CKAP5: variants seen among roughly 807,000 people sequenced by gnomAD.
CKAP5 encodes the protein cytoskeleton associated protein 5.
CKAP5 carries 27 observed loss-of-function variants against 232.8 expected under a neutral mutation model. The ratio of observed to expected loss-of-function variants is 0.12; its 90% CI spans 0.09 to 0.16. CKAP5 has a LOEUF of 0.16. Among genes scored for constraint, CKAP5 ranks in the 10% least tolerant of loss-of-function variants. The pLI, the probability that CKAP5 is intolerant of heterozygous loss-of-function variation, is 1.00. For synonymous variants in CKAP5, 785 were observed against 841.1 expected, an observed-to-expected ratio of 0.93 and a Z score of 1.16; for missense variants, 1,838 against 2,424.7, an observed-to-expected ratio of 0.76 and a Z score of 5.08.
chr11:46,818,150 GAATA>G (rs1939446736), intron 3 of CKAP5, among the ~76,000 whole-genome samples, 156 bp downstream of exon 3: 1 of 152,028 alleles, frequency 6.6e-6, no homozygotes, highest in African/African-American at 2.4e-5. Flanking sequence ...AGATTTCTGA[GAATA>G]AAGACTGAAT....
At chr11:46,791,257 T>TTG (rs1555164989) in intron 13 of CKAP5, among the ~76,000 whole-genome samples, 6 of 147,880 alleles carry the variant, frequency 4.1e-5, no homozygotes, top group Non-Finnish European at 7.5e-5. Context: ...TTTTTTTTTT[T>TTG]TTTGTTTTCT....
In CKAP5 at chr11:46,844,854, C is replaced by T. The variant is rs1464466575; in HGVS notation, c.-38+1366G>A. Reference sequence around the variant, plus strand: ...AGAGAGAGAGAGAGACGGGGTTTCACCATGTTGGCCCGACTGGTCTCAAAC... The same window carrying T: ...AGAGAGAGAGAGAGACGGGGTTTCATCATGTTGGCCCGACTGGTCTCAAAC... On this transcript the variant is annotated intron_variant, in intron 1 of 43. Coordinates refer to ENST00000529230, the MANE Select transcript of CKAP5 (RefSeq NM_001008938.4). 2.0e-5 allele frequency among the ~76,000 whole-genome samples: 3 copies of T among 152,128 alleles called. No individual in the cohort carries two copies. In the South Asian group the frequency reaches 6.2e-4, roughly 32 times the overall value.
Position 46,818,402 on chromosome 11 carries a change from G to A in CKAP5, c.159C>T (p.Ile53=), listed in dbSNP as rs776967563. The A allele has an allele frequency of 6.2e-6, 10 of 1,611,256 alleles. No individual in the cohort carries two copies. The East Asian group carries it at 2.2e-4, about 36-fold the overall frequency. Residue 53 remains isoleucine (I), a synonymous_variant, in exon 3 of 44, where the codon ATC becomes ATT. Coordinates refer to ENST00000529230, the MANE Select transcript of CKAP5 (RefSeq NM_001008938.4). ...SPEWSKFLGL[I]KKFVTDSNAV... is the part of the protein sequence containing the mutation. ...CATTGGAATCAGTGACAAATTTTTT[G>A]ATCAATCCTAAAAATTTGGACCACT...
chr11:46,763,645 C>T lies in CKAP5; in HGVS notation c.3538-15G>A, dbSNP rs376458601. 141 of 1,517,604 alleles carry T rather than the reference C, an allele frequency of 9.3e-5. 1 individual carries two copies. Among genetic ancestry groups the T allele is most frequent in the Admixed American group, 4.7e-4 (21 of 44,570 alleles). The allele number at this position is 1,517,604 out of a possible 1,614,324, so 94.0% of individuals were successfully genotyped here. Reference sequence around the variant, plus strand: ...CACTTTAGCACCTGGAAAAAACAAACGGTGAAAAGGGGCTACAGGGTGTTC... The same window carrying T: ...CACTTTAGCACCTGGAAAAAACAAATGGTGAAAAGGGGCTACAGGGTGTTC... On this transcript the variant is annotated splice_polypyrimidine_tract_variant and intron_variant, in intron 28 of 43. Transcript: ENST00000529230.
chr11:46,828,531 G>A (rs558674194), intron 1 of CKAP5, among the ~76,000 whole-genome samples: 2 of 152,228 alleles, frequency 1.3e-5, no homozygotes, highest in South Asian at 2.1e-4. Flanking sequence ...TTCTTCCAAT[G>A]TGTGATACAA....
At chr11:46,801,384 C>CT (rs1482833236) in intron 8 of CKAP5, 80 bp from the exon 9 acceptor site, 4 of 1,138,884 alleles carry the variant, frequency 3.5e-6, no homozygotes, top group East Asian at 2.6e-5. Context: ...CAAAAGAACT[C>CT]TGAGGCCGGG....
intron 8 of CKAP5, 74 bp from the exon 9 acceptor site, chr11:46,801,378 A>G: frequency 8.4e-7 from 1 of 1,190,880 alleles, no homozygotes; most frequent in Non-Finnish European, 1.2e-6. Context: ...TATTCTCAAA[A>G]GAACTCTGAG....
intron 34 of CKAP5, 48 bp from the exon 35 acceptor site, chr11:46,759,091 C>G (rs775376160): frequency 7.5e-6 from 12 of 1,600,856 alleles, no homozygotes; most frequent in Non-Finnish European, 1.0e-5. Context: ...TACAAGACAT[C>G]CCAGTCAGTT....
intron 26 of CKAP5, among the ~76,000 whole-genome samples, chr11:46,768,372 T>C (rs544437437): frequency 2.7e-4 from 40 of 149,642 alleles, no homozygotes; most frequent in African/African-American, 8.4e-4. Flanking sequence ...AACAACTTTT[T>C]TTTTTTTTTT....
chr11:46,772,732 TC>T lies in CKAP5; in HGVS notation c.2992-1751del, dbSNP rs199905062. On this transcript the variant is annotated intron_variant, in intron 24 of 43. Coordinates refer to ENST00000529230, the MANE Select transcript of CKAP5 (RefSeq NM_001008938.4). ...AGTAAGCTAATTGTAAAGTGATTCC[TC>T]TTTTTTTTTTTTGTTTTTTTGTTTT... 1.3e-4 allele frequency among the ~76,000 whole-genome samples: 19 copies of T among 145,344 alleles called. No homozygotes were observed. The East Asian group carries it at 5.9e-3, about 45-fold the overall frequency.
Position 46,780,288 on chromosome 11 carries a change from C to A in CKAP5, c.2339G>T (p.Gly780Val), listed in dbSNP as rs772848732. 2.8e-5 allele frequency: 45 copies of A among 1,613,946 alleles called. 2 individuals carry two copies. The South Asian group carries it at 4.9e-4, about 18-fold the overall frequency. The stretch of plus-strand genomic sequence containing the variant: ...GGGACCAACATACAGATACATCACG[C>A]CAAGCAGGGTTATGGCAGCAGTCCT... ...AVRTAAITLLGVMYLYVGPSL... is the reference protein window; with the variant it reads ...AVRTAAITLLVVMYLYVGPSL... Residue 780 changes from glycine (G) to valine (V), a missense_variant, in exon 20 of 44, where the codon GGC becomes GTC. By Grantham distance (109) the Gly-to-Val change is moderately radical. Coordinates refer to ENST00000529230, the MANE Select transcript of CKAP5 (RefSeq NM_001008938.4).
chr11:46,809,285 G>C (rs1307728207), intron 7 of CKAP5, 115 bp downstream of exon 7: 1 of 663,366 alleles, frequency 1.5e-6, no homozygotes, highest in Non-Finnish European at 2.6e-6. Context: ...CACTCTACTA[G>C]GGAAGATATG....
chr11:46,754,951 A>G lies in CKAP5; in HGVS notation c.4806T>C (p.Asp1602=). The G allele has an allele frequency of 6.2e-7, 1 of 1,613,450 alleles. No homozygotes were observed. The highest frequency in any genetic ancestry group is 8.5e-7 in the Non-Finnish European group (1 of 1,179,532). Residue 1602 remains aspartate, a synonymous_variant, in exon 36 of 44, where the codon GAT becomes GAC. Coordinates refer to ENST00000529230, the MANE Select transcript of CKAP5 (RefSeq NM_001008938.4). ...LRLIYNTHMA[D]EKLEKDEIIK... ...TGATCTCGTCCTTCTCCAATTTCTCATCTGCCATGTGTGTGTTGTAGATGA... is the reference window on the plus strand; with the variant it reads ...TGATCTCGTCCTTCTCCAATTTCTCGTCTGCCATGTGTGTGTTGTAGATGA...
At chr11:46,744,341 C>A in intron 43 of CKAP5, 76 bp from the exon 44 acceptor site, 1 of 1,612,516 alleles carries the variant, frequency 6.2e-7, no homozygotes, top group Non-Finnish European at 8.5e-7. Context: ...TACAGCAAGA[C>A]TAAGCCACTT....
intron 13 of CKAP5, among the ~76,000 whole-genome samples, chr11:46,792,101 C>G (rs1938742054): frequency 2.0e-5 from 3 of 152,126 alleles, no homozygotes; most frequent in Admixed American, 2.0e-4. Context: ...GCATTCTAAC[C>G]CTAAAAATGG....
chr11:46,782,973 T>TAATTA (rs2065356592), intron 18 of CKAP5, among the ~76,000 whole-genome samples: 2 of 152,206 alleles, frequency 1.3e-5, no homozygotes, highest in Non-Finnish European at 2.9e-5. Flanking sequence ...TAAACAAATG[T>TAATTA]AATTATATAC....
At chr11:46,790,207 T>C (rs1405470677) in intron 14 of CKAP5, 21 bp from the exon 15 acceptor site, 4 of 1,516,016 alleles carry the variant, frequency 2.6e-6, no homozygotes, top group African/African-American at 1.4e-5. Flanking sequence ...CAAAAACATA[T>C]TAGAATTAGG....
At chr11:46,825,753 TAAA>T (rs201623764) in intron 1 of CKAP5, among the ~76,000 whole-genome samples, 1 of 132,824 alleles carries the variant, frequency 7.5e-6, no homozygotes. Flanking sequence ...GATAGGCTCA[TAAA>T]AAAAAAAAAA....
In CKAP5 at chr11:46,751,367, T is replaced by A. The variant is rs756658081; in HGVS notation, c.5301A>T (p.Leu1767Phe). 4 of 1,613,968 alleles carry A rather than the reference T, an allele frequency of 2.5e-6. No individual in the cohort carries two copies. Among genetic ancestry groups the A allele is most frequent in the Admixed American group, 1.7e-5 (1 of 59,968 alleles). ...TCACCTTGGGCCCTTTTAATTTGCA[T>A]AAGGTGTGTAGCAGGGTCTTTAGGG... is the stretch of plus-strand genomic sequence containing the variant. The part of the protein sequence containing the change: ...IRTLKTLLHT[L>F]CKLKGPKILD... Residue 1767 changes from leucine to phenylalanine, a missense_variant, in exon 39 of 44, where the codon TTA becomes TTT. Physicochemically the swap from Leu to Phe is conservative, Grantham distance 22. This residue lies in a region of CKAP5 where 579 missense variants were observed against 843.2 expected (regional missense o/e 0.69). Transcript: ENST00000529230.
Sources: allele counts gnomAD v4.1 joint callset (sites outside exome capture counted in the v4.1 genomes callset), GRCh38; gene constraint gnomAD v4.1.1; regional missense constraint gnomAD v4.1.1; transcripts MANE v1.5; gene names NCBI Gene and HGNC (gene_info 2026-07-23, HGNC 2026-07-21).